ERAP1: variants seen among roughly 807,000 people sequenced by gnomAD.
The protein encoded by ERAP1 is endoplasmic reticulum aminopeptidase 1.
Under a neutral mutation model 103.7 loss-of-function variants are expected in ERAP1, and 86 were observed. That is an observed-to-expected ratio of 0.83 (90% confidence interval 0.70 to 0.99). ERAP1 has a LOEUF of 0.99. Among genes scored for constraint, ERAP1 ranks in the 50% least tolerant of loss-of-function variants. The probability of loss-of-function intolerance (pLI) is 0.00; values close to 1 mark genes in which losing one functional copy is unlikely to be tolerated. For missense variants in ERAP1, 1,009 were observed against 1,128.4 expected (o/e 0.89, Z 1.52); for synonymous variants, 398 against 402.4 (o/e 0.99, Z 0.13).
Position 96,775,524 on chromosome 5 carries a change from A to ATAG in ERAP1, c.*871_*872insCTA. 1.1e-6 allele frequency: 1 copy of ATAG among 941,568 alleles called. No individual in the cohort carries two copies. Among genetic ancestry groups the ATAG allele is most frequent in the Non-Finnish European group, 1.2e-6 (1 of 814,264 alleles). 58.3% of individuals were successfully genotyped at this position (941,568 alleles called of 1,614,324 possible). ...GAAGAGATACTGTACCAGTCAGGGA[A>ATAG]ATAGATGACACTCACTCAGAATTAT... On this transcript the variant is annotated 3_prime_UTR_variant, in exon 19 of 19. Coordinates refer to ENST00000443439, the MANE Select transcript of ERAP1 (RefSeq NM_001040458.3).
chr5:96,915,691 T>C, the ERAP1 span: 16 of 1,514,010 alleles, frequency 1.1e-5, no homozygotes, highest in Non-Finnish European at 1.3e-5. Flanking sequence ...TTTTCAGATT[T>C]GACTTGGGCT....
chr5:96,878,702 T>G, the ERAP1 span, among the ~76,000 whole-genome samples: 1 of 152,012 alleles, frequency 6.6e-6, no homozygotes, highest in East Asian at 1.9e-4. Context: ...CTGAGGCAAG[T>G]GGATCACCTG....
At chr5:96,877,572 G>T in the ERAP1 span, among the ~76,000 whole-genome samples, 1 of 152,218 alleles carries the variant, frequency 6.6e-6, no homozygotes, top group Non-Finnish European at 1.5e-5. Context: ...ATCCCAGCAT[G>T]AGGAAGGTAT....
At chr5:96,798,296 G>A (rs922592901) in intron 3 of ERAP1, among the ~76,000 whole-genome samples, 4 of 135,664 alleles carry the variant, frequency 2.9e-5, no homozygotes, top group Non-Finnish European at 4.6e-5. Context: ...CTGCACTCCA[G>A]CCTGGATGAC....
chr5:96,914,150 A>T, the ERAP1 span, among the ~76,000 whole-genome samples: 41 of 78,692 alleles, frequency 5.2e-4, no homozygotes, highest in East Asian at 2.1e-3. Flanking sequence ...TCTCTCTCTC[A>T]CACACACACA....
intron 3 of ERAP1, among the ~76,000 whole-genome samples, chr5:96,799,329 T>C (rs26615): frequency 6.6e-6 from 1 of 152,068 alleles, no homozygotes; most frequent in Non-Finnish European, 1.5e-5. Flanking sequence ...TGAGACCCCA[T>C]TGTTCTCCCC....
intron 19 of ERAP1, among the ~76,000 whole-genome samples, chr5:96,766,344 G>T (rs1170244697): frequency 6.6e-6 from 1 of 152,118 alleles, no homozygotes; most frequent in Non-Finnish European, 1.5e-5. Flanking sequence ...CATATGCTAG[G>T]CTCTGTGGTA....
At chr5:96,892,382 G>T in the ERAP1 span, 3 of 1,613,976 alleles carry the variant, frequency 1.9e-6, no homozygotes, top group South Asian at 2.2e-5. Context: ...ACTGCTTTTT[G>T]ACCCCAAGAC....
the ERAP1 span, among the ~76,000 whole-genome samples, chr5:96,876,930 A>G: frequency 1.3e-5 from 2 of 152,090 alleles, no homozygotes; most frequent in South Asian, 4.1e-4. Context: ...TTGAGAAGTC[A>G]CCATCCTGTT....
chr5:96,804,966 T>C (rs1350991563), intron 1 of ERAP1: 1 of 138,836 alleles, frequency 7.2e-6, no homozygotes, highest in African/African-American at 2.6e-5. Flanking sequence ...AAAAAGGCAA[T>C]GTGAATTTTA....
chr5:96,852,689 T>C, the ERAP1 span, among the ~76,000 whole-genome samples: 2 of 152,176 alleles, frequency 1.3e-5, no homozygotes, highest in East Asian at 1.9e-4. Flanking sequence ...ACAATTAAAA[T>C]AGACTTTTCA....
chr5:96,910,607 G>C, the ERAP1 span, among the ~76,000 whole-genome samples: 181 of 152,232 alleles, frequency 1.2e-3, no homozygotes, highest in African/African-American at 4.2e-3. Context: ...CTAGTTACAA[G>C]AAAGATAATC....
At chr5:96,913,350 C>G in the ERAP1 span, 16 of 1,614,002 alleles carry the variant, frequency 9.9e-6, no homozygotes, top group Middle Eastern at 4.9e-4. Flanking sequence ...GAAAGGTTAT[C>G]AAGACACAGA....
Position 96,780,408 on chromosome 5 carries a change from ATTTTTTT to A in ERAP1, c.2670+8_2670+14del. ...TTTATGTTTAAAAATATATATATAG[ATTTTTTT>A]TTTTTACCTCTTCAAGCCGTGTTCT... On this transcript the variant is annotated splice_region_variant and intron_variant, in intron 18 of 18. Coordinates refer to ENST00000443439, the MANE Select transcript of ERAP1 (RefSeq NM_001040458.3). 7.2e-7 allele frequency: 1 copy of A among 1,387,386 alleles called. No homozygotes were observed. Among genetic ancestry groups the A allele is most frequent in the Non-Finnish European group, 9.8e-7 (1 of 1,017,630 alleles). 85.9% of individuals were successfully genotyped at this position (1,387,386 alleles called of 1,614,324 possible).
At chr5:96,878,105 TTA>T in the ERAP1 span, among the ~76,000 whole-genome samples, 19 of 152,298 alleles carry the variant, frequency 1.2e-4, no homozygotes, top group African/African-American at 3.9e-4. Flanking sequence ...TGTCCTAATT[TTA>T]TATGTGTTGT....
the ERAP1 span, among the ~76,000 whole-genome samples, chr5:96,838,104 G>T: frequency 6.6e-6 from 1 of 152,150 alleles, no homozygotes; most frequent in Non-Finnish European, 1.5e-5. Flanking sequence ...CATTTGAGCG[G>T]GAAAACGGGA....
chr5:96,923,382 TA>T, the ERAP1 span, among the ~76,000 whole-genome samples: 9 of 152,068 alleles, frequency 5.9e-5, no homozygotes, highest in African/African-American at 2.2e-4. Context: ...AATCCAAACC[TA>T]AAACGTGCTG....
the ERAP1 span, among the ~76,000 whole-genome samples, chr5:96,885,134 G>A: frequency 6.6e-6 from 1 of 152,134 alleles, no homozygotes; most frequent in Non-Finnish European, 1.5e-5. Flanking sequence ...ATTTGCCTCC[G>A]AACCATCTCT....
At chr5:96,763,266 C>T (rs767817408) in intron 19 of ERAP1, 1 of 780,588 alleles carries the variant, frequency 1.3e-6, no homozygotes, top group South Asian at 1.3e-5. Context: ...AAAGCCCAGA[C>T]CTGGCCCCGG....
Sources: allele counts gnomAD v4.1 joint callset (sites outside exome capture counted in the v4.1 genomes callset), GRCh38; gene constraint gnomAD v4.1.1; transcripts MANE v1.5; gene names NCBI Gene and HGNC (gene_info 2026-07-23, HGNC 2026-07-21).